Variants in HMGN5 observed in about 807,000 individuals in gnomAD.
HMGN5 encodes the protein high mobility group nucleosome binding domain 5.
HMGN5 carries 4 observed loss-of-function variants against 9.5 expected under a neutral mutation model. The ratio of observed to expected loss-of-function variants is 0.42; its 90% CI spans 0.21 to 0.96. HMGN5 has a LOEUF of 0.96. Among genes scored for constraint, HMGN5 ranks in the 40% least tolerant of loss-of-function variants. HMGN5 has a pLI of 0.30. For synonymous variants in HMGN5, 55 were observed against 57.1 expected (o/e 0.96, Z 0.16); for missense variants, 192 against 187.5 (o/e 1.02, Z -0.14).
At chrX:81,119,851 T>G in intron 2 of HMGN5, 34 bp from the exon 3 acceptor site, 1 of 1,143,815 alleles carries the variant, frequency 8.7e-7, no homozygotes. Flanking sequence ...AGAAATAAGG[T>G]CATTGATATA....
intron 1 of HMGN5, among the ~76,000 whole-genome samples, chrX:81,160,932 T>C (rs1383787369): frequency 9.0e-6 from 1 of 111,618 alleles, no homozygotes; most frequent in Non-Finnish European, 1.9e-5. Context: ...CAAGGACATA[T>C]ATAATCATCT....
At chrX:81,158,577 T>C (rs1295636957) in intron 1 of HMGN5, among the ~76,000 whole-genome samples, 1 of 112,489 alleles carries the variant, frequency 8.9e-6, no homozygotes, top group Non-Finnish European at 1.9e-5. Flanking sequence ...CTTTGTCAGA[T>C]GGATAGGCTG....
intron 1 of HMGN5, among the ~76,000 whole-genome samples, chrX:81,151,941 A>G: frequency 9.0e-6 from 1 of 111,577 alleles, no homozygotes; most frequent in Non-Finnish European, 1.9e-5. Context: ...ACCTTTTAAT[A>G]TGTAGAAAGC....
intron 1 of HMGN5, among the ~76,000 whole-genome samples, chrX:81,187,591 C>T (rs1307744285): frequency 9.0e-6 from 1 of 110,820 alleles, no homozygotes; most frequent in African/African-American, 3.3e-5. Flanking sequence ...CCATGTGCAC[C>T]TTTGTAGGGG....
chrX:81,156,001 C>T (rs968925113), intron 1 of HMGN5, among the ~76,000 whole-genome samples: 1 of 111,367 alleles, frequency 9.0e-6, no homozygotes, highest in African/African-American at 3.3e-5. Flanking sequence ...AAGTCATTAC[C>T]ACTGGGGGAA....
chrX:81,150,600 A>T (rs967349159), intron 1 of HMGN5, among the ~76,000 whole-genome samples: 2 of 112,011 alleles, frequency 1.8e-5, no homozygotes, highest in Non-Finnish European at 3.8e-5. Flanking sequence ...AAAAACAAAA[A>T]CAAAACAAAA....
rs764978141 is a variant in HMGN5, at chrX:81,153,096, G to A, written c.-123-31424C>T. ...ACCAGCATGGCACATGTATACATAC[G>A]TAACTAACCTGCACATTGTGCACAT... On this transcript the variant is annotated intron_variant, in intron 1 of 6. Coordinates refer to ENST00000358130, the MANE Select transcript of HMGN5 (RefSeq NM_030763.3). Among the ~76,000 whole-genome samples, 3 of 107,581 alleles carry A rather than the reference G, an allele frequency of 2.8e-5. No homozygotes were observed. The Admixed American group carries it at 3.0e-4, about 11-fold the overall frequency. The allele number at this position is 107,581 out of a possible 115,157, so 93.4% of individuals were successfully genotyped here.
At chrX:81,127,728 G>A (rs1371596825) in intron 1 of HMGN5, among the ~76,000 whole-genome samples, 1 of 111,261 alleles carries the variant, frequency 9.0e-6, no homozygotes, top group Non-Finnish European at 1.9e-5. Context: ...ACACATTTAA[G>A]GTGAGATAAA....
chrX:81,198,929 A>G (rs750056658), intron 1 of HMGN5, among the ~76,000 whole-genome samples: 2 of 111,980 alleles, frequency 1.8e-5, no homozygotes, highest in Admixed American at 1.9e-4. Flanking sequence ...GAAAAGAGGA[A>G]GTCAAATTGT....
rs775273328 is a variant in HMGN5, at chrX:81,185,734, G to T, written c.-124+16003C>A. On this transcript the variant is annotated intron_variant, in intron 1 of 6. Transcript: ENST00000358130. ...CTTTCAGTTTTTCCTCATTAAGTATGATACTAACTATGGGTCTGTCATACA... is the reference window on the plus strand; with the variant it reads ...CTTTCAGTTTTTCCTCATTAAGTATTATACTAACTATGGGTCTGTCATACA... 3.6e-5 allele frequency among the ~76,000 whole-genome samples: 4 copies of T among 111,400 alleles called. No individual in the cohort carries two copies. The South Asian group carries it at 1.5e-3, about 42-fold the overall frequency.
intron 1 of HMGN5, among the ~76,000 whole-genome samples, chrX:81,195,461 C>T (rs1478133334): frequency 9.0e-6 from 1 of 111,237 alleles, no homozygotes. Flanking sequence ...ATGTTAATCT[C>T]CTTTGGCAAC....
intron 1 of HMGN5, among the ~76,000 whole-genome samples, chrX:81,145,283 C>A (rs764978270): frequency 7.2e-5 from 8 of 111,822 alleles, no homozygotes; most frequent in South Asian, 7.5e-4. Flanking sequence ...CAAGGGGAAC[C>A]CATCACACTA....
intron 1 of HMGN5, among the ~76,000 whole-genome samples, chrX:81,142,002 A>G (rs2075331232): frequency 8.9e-6 from 1 of 112,215 alleles, no homozygotes. Context: ...TAAATTTAAC[A>G]GACTGAAGTA....
intron 1 of HMGN5, among the ~76,000 whole-genome samples, chrX:81,182,418 A>G (rs1003152763): frequency 8.9e-6 from 1 of 111,756 alleles, no homozygotes; most frequent in Non-Finnish European, 1.9e-5. Context: ...TGTAATTCCC[A>G]ATGTTGGAAG....
intron 5 of HMGN5, 149 bp from the exon 6 acceptor site, chrX:81,116,490 T>C (rs1284606408): frequency 5.1e-6 from 2 of 388,366 alleles, no homozygotes; most frequent in Non-Finnish European, 8.8e-6. Context: ...AAAATTATCA[T>C]ATAATATCTT....
intron 1 of HMGN5, among the ~76,000 whole-genome samples, chrX:81,166,069 G>A (rs945398823): frequency 3.6e-5 from 4 of 110,600 alleles, no homozygotes; most frequent in African/African-American, 1.3e-4. Flanking sequence ...AGCAGTATCC[G>A]TGCCCTCTAC....
At chrX:81,159,397 A>T (rs2075392613) in intron 1 of HMGN5, among the ~76,000 whole-genome samples, 2 of 111,631 alleles carry the variant, frequency 1.8e-5, no homozygotes, top group South Asian at 7.5e-4. Flanking sequence ...TTCAAATAAA[A>T]ATAAAAATTT....
intron 1 of HMGN5, among the ~76,000 whole-genome samples, chrX:81,145,368 G>T (rs923582988): frequency 8.9e-6 from 1 of 111,802 alleles, no homozygotes; most frequent in Non-Finnish European, 1.9e-5. Context: ...TTAAAGAAAA[G>T]AATTTTCAAC....
chrX:81,166,663 G>A lies in HMGN5; in HGVS notation c.-124+35074C>T, dbSNP rs766444413. Among the ~76,000 whole-genome samples, 4 of 111,923 alleles carry A rather than the reference G, an allele frequency of 3.6e-5. No homozygotes were observed. In the South Asian group the frequency reaches 1.5e-3, roughly 42 times the overall value. ...GAGGTATAGGTAGTACTGAATGACAGCAATGCCTTCCGCAACTGGAAGAAC... is the reference window on the plus strand; with the variant it reads ...GAGGTATAGGTAGTACTGAATGACAACAATGCCTTCCGCAACTGGAAGAAC... On this transcript the variant is annotated intron_variant, in intron 1 of 6. Coordinates refer to ENST00000358130, the MANE Select transcript of HMGN5 (RefSeq NM_030763.3).
Sources: allele counts gnomAD v4.1 joint callset (sites outside exome capture counted in the v4.1 genomes callset), GRCh38; gene constraint gnomAD v4.1.1; transcripts MANE v1.5; gene names NCBI Gene and HGNC (gene_info 2026-07-23, HGNC 2026-07-21).